Variants in RBFOX1 observed in about 807,000 individuals in gnomAD.
RBFOX1 encodes RNA binding protein fox-1 homolog 1.
RBFOX1 carries 8 observed loss-of-function variants against 57.7 expected under a neutral mutation model. The ratio of observed to expected loss-of-function variants is 0.14; its 90% CI spans 0.08 to 0.25. RBFOX1 has a LOEUF of 0.25. Ranked by LOEUF, RBFOX1 falls within the 10% of genes least tolerant of loss-of-function variation. The probability of loss-of-function intolerance (pLI) is 1.00; values close to 1 mark genes in which losing one functional copy is unlikely to be tolerated. For missense variants in RBFOX1, 611 were observed against 548.5 expected, an observed-to-expected ratio of 1.11 and a Z score of -1.14; for synonymous variants, 326 against 222.4, an observed-to-expected ratio of 1.47 and a Z score of -4.15.
chr16:7,444,709 A>C (rs1343990905), intron 4 of RBFOX1, among the ~76,000 whole-genome samples: 2 of 152,000 alleles, frequency 1.3e-5, no homozygotes, highest in Admixed American at 1.3e-4. Context: ...TTTTTACATT[A>C]TTTGTAGAGG....
At chr16:6,862,122 C>T (rs569040693) in intron 3 of RBFOX1, among the ~76,000 whole-genome samples, 16 of 152,242 alleles carry the variant, frequency 1.1e-4, no homozygotes, top group South Asian at 2.1e-4. Context: ...AAGGATGCTT[C>T]AGCAACAATA....
chr16:6,804,171 C>G (rs2086160482), intron 3 of RBFOX1, among the ~76,000 whole-genome samples: 1 of 151,970 alleles, frequency 6.6e-6, no homozygotes, highest in Admixed American at 6.6e-5. Flanking sequence ...CCATGCCCAG[C>G]TAACTTGTTT....
intron 6 of RBFOX1, among the ~76,000 whole-genome samples, chr16:7,585,880 G>T (rs771515857): frequency 2.0e-5 from 3 of 152,068 alleles, no homozygotes; most frequent in East Asian, 3.9e-4. Flanking sequence ...CCTGCTTCTT[G>T]TGTGGTCTTT....
At chr16:6,177,241 C>T (rs888037969) in intron 1 of RBFOX1, among the ~76,000 whole-genome samples, 1 of 151,278 alleles carries the variant, frequency 6.6e-6, no homozygotes, top group African/African-American at 2.4e-5. Context: ...CCTCTGCCAC[C>T]ATCCCACTCA....
chr16:6,448,891 C>T (rs575120309), intron 2 of RBFOX1, among the ~76,000 whole-genome samples: 1 of 152,132 alleles, frequency 6.6e-6, no homozygotes, highest in South Asian at 2.1e-4. Flanking sequence ...GAGATAGCAG[C>T]CATTTTCAGT....
At chr16:7,645,334 T>C (rs1006037607) in intron 11 of RBFOX1, among the ~76,000 whole-genome samples, 1 of 152,178 alleles carries the variant, frequency 6.6e-6, no homozygotes, top group Non-Finnish European at 1.5e-5. Context: ...TCGTGCCATG[T>C]CAATTTGCTG....
At chr16:5,822,033 T>TAAAAGGATAGA (rs1385911101) in intron 3 of RBFOX1, among the ~76,000 whole-genome samples, 1 of 152,230 alleles carries the variant, frequency 6.6e-6, no homozygotes, top group Non-Finnish European at 1.5e-5. Flanking sequence ...AGATCTATCC[T>TAAAAGGATAGA]TTTAGCAAAT....
At chr16:6,122,678 C>T (rs189463636) in intron 1 of RBFOX1, among the ~76,000 whole-genome samples, 4 of 152,152 alleles carry the variant, frequency 2.6e-5, no homozygotes, top group African/African-American at 9.6e-5. Context: ...CTCACTGGCT[C>T]TTCCCTTATT....
intron 4 of RBFOX1, among the ~76,000 whole-genome samples, chr16:5,915,798 C>T (rs1001162484): frequency 6.6e-6 from 1 of 152,038 alleles, no homozygotes; most frequent in Non-Finnish European, 1.5e-5. Context: ...TGCCACGGCA[C>T]TCCAGCCTGG....
chr16:7,165,095 G>A (rs562623471), intron 4 of RBFOX1, among the ~76,000 whole-genome samples: 1 of 152,284 alleles, frequency 6.6e-6, no homozygotes, highest in Non-Finnish European at 1.5e-5. Context: ...TGGTAGCCAA[G>A]GATGCAATCC....
intron 2 of RBFOX1, among the ~76,000 whole-genome samples, chr16:5,491,706 C>T (rs1375966784): frequency 6.6e-6 from 1 of 152,216 alleles, no homozygotes; most frequent in African/African-American, 2.4e-5. Context: ...TTGGATACCC[C>T]AGAATGTTCT....
intron 2 of RBFOX1, among the ~76,000 whole-genome samples, chr16:6,381,592 C>T (rs181308924): frequency 6.6e-6 from 1 of 152,186 alleles, no homozygotes; most frequent in Admixed American, 6.5e-5. Flanking sequence ...CAAGGTCTTG[C>T]CTTTACCTAT....
chr16:7,517,020 G>A (rs999896676), intron 4 of RBFOX1, among the ~76,000 whole-genome samples: 1 of 152,054 alleles, frequency 6.6e-6, no homozygotes, highest in Non-Finnish European at 1.5e-5. Flanking sequence ...AATAGGAGAG[G>A]CAGCTATTTG....
chr16:7,468,204 T>C (rs2150813181), intron 4 of RBFOX1, among the ~76,000 whole-genome samples: 1 of 152,250 alleles, frequency 6.6e-6, no homozygotes, highest in African/African-American at 2.4e-5. Context: ...CTGAAAAGGG[T>C]AAGGAGACAA....
At chr16:7,111,318 A>T (rs1239647925) in intron 4 of RBFOX1, among the ~76,000 whole-genome samples, 2 of 152,226 alleles carry the variant, frequency 1.3e-5, no homozygotes, top group Non-Finnish European at 2.9e-5. Context: ...TTAATATTCT[A>T]TGGGAACCCG....
At chr16:7,227,363 T>G (rs1567795762) in intron 4 of RBFOX1, among the ~76,000 whole-genome samples, 1 of 140,734 alleles carries the variant, frequency 7.1e-6, no homozygotes, top group Non-Finnish European at 1.5e-5. Context: ...CCCCTCTCAC[T>G]TAGCTCACTG....
At chr16:7,322,292 T>C (rs1285671890) in intron 4 of RBFOX1, among the ~76,000 whole-genome samples, 1 of 152,234 alleles carries the variant, frequency 6.6e-6, no homozygotes, top group East Asian at 1.9e-4. Flanking sequence ...ACCTGCCCCA[T>C]GTTGTTTGAC....
intron 1 of RBFOX1, among the ~76,000 whole-genome samples, chr16:5,422,981 T>G (rs1343929657): frequency 0.22 from 5,506 of 25,238 alleles, no homozygotes; most frequent in Middle Eastern, 0.31. Flanking sequence ...GAGGGAGGAG[T>G]GGGGAGAGGG....
intron 4 of RBFOX1, among the ~76,000 whole-genome samples, chr16:5,899,406 A>C: frequency 6.6e-6 from 1 of 152,140 alleles, no homozygotes. Flanking sequence ...TGAGGTGGTG[A>C]CAAGCTGAGA....
Sources: allele counts gnomAD v4.1 joint callset (sites outside exome capture counted in the v4.1 genomes callset), GRCh38; gene constraint gnomAD v4.1.1; transcripts MANE v1.5; gene names NCBI Gene and HGNC (gene_info 2026-07-23, HGNC 2026-07-21).